Variants in AKAP6 observed in about 807,000 individuals in gnomAD.
AKAP6 encodes the protein A-kinase anchor protein 6.
AKAP6 carries 58 observed loss-of-function variants against 188.5 expected under a neutral mutation model. That is an observed-to-expected ratio of 0.31 (90% CI 0.25 to 0.38). The LOEUF (loss-of-function observed/expected upper bound fraction) is 0.38. Ranked by LOEUF, AKAP6 falls within the 10% of genes least tolerant of loss-of-function variation. The pLI is 1.00. For missense variants in AKAP6, 2,710 were observed against 2,740.0 expected, an observed-to-expected ratio of 0.99 and a Z score of 0.24; for synonymous variants, 989 against 998.6, an observed-to-expected ratio of 0.99 and a Z score of 0.18.
chr14:32,805,984 T>C (rs551157532), intron 12 of AKAP6, among the ~76,000 whole-genome samples: 1 of 152,244 alleles, frequency 6.6e-6, no homozygotes, highest in African/African-American at 2.4e-5. Context: ...ATTCTTCCTA[T>C]AGCCTTAGTA....
At chr14:32,790,561 T>C (rs2033576977) in intron 12 of AKAP6, among the ~76,000 whole-genome samples, 1 of 152,198 alleles carries the variant, frequency 6.6e-6, no homozygotes, top group Non-Finnish European at 1.5e-5. Context: ...GATTGGGGGC[T>C]AATGTTCAAC....
chr14:32,684,679 T>A (rs1889829988), intron 8 of AKAP6, among the ~76,000 whole-genome samples: 1 of 152,002 alleles, frequency 6.6e-6, no homozygotes, highest in South Asian at 2.1e-4. Context: ...TTGGGACATT[T>A]AACCTCACCA....
At chr14:32,741,729 A>G (rs1487360840) in intron 11 of AKAP6, among the ~76,000 whole-genome samples, 1 of 151,318 alleles carries the variant, frequency 6.6e-6, no homozygotes, top group Non-Finnish European at 1.5e-5. Flanking sequence ...GTCGTGATGA[A>G]TAATCTTTTT....
At chr14:32,526,331 C>T (rs1358101340) in intron 2 of AKAP6, among the ~76,000 whole-genome samples, 1 of 152,180 alleles carries the variant, frequency 6.6e-6, no homozygotes, top group East Asian at 1.9e-4. Context: ...CTCCCGGGGT[C>T]AAGTGATCCT....
intron 2 of AKAP6, among the ~76,000 whole-genome samples, chr14:32,491,671 C>G (rs1322618426): frequency 2.0e-5 from 3 of 152,180 alleles, no homozygotes; most frequent in African/African-American, 4.8e-5. Context: ...GAAATTGAAC[C>G]AGAATATTTC....
chr14:32,418,165 C>A (rs1414456810), intron 1 of AKAP6, among the ~76,000 whole-genome samples: 4 of 152,094 alleles, frequency 2.6e-5, no homozygotes, highest in African/African-American at 9.7e-5. Flanking sequence ...TTTCTAGAGG[C>A]TATTGAAAAG....
intron 2 of AKAP6, among the ~76,000 whole-genome samples, chr14:32,435,957 T>C (rs1890364834): frequency 6.6e-6 from 1 of 152,260 alleles, no homozygotes; most frequent in East Asian, 1.9e-4. Flanking sequence ...TTTTCAAAAA[T>C]ATTTTAAATA....
chr14:32,791,036 G>T (rs2033592867), intron 12 of AKAP6, among the ~76,000 whole-genome samples: 1 of 152,100 alleles, frequency 6.6e-6, no homozygotes, highest in Non-Finnish European at 1.5e-5. Flanking sequence ...CATTTGGATT[G>T]GTTCCAAGTC....
chr14:32,464,980 C>G (rs540373787), intron 2 of AKAP6, among the ~76,000 whole-genome samples: 1 of 152,196 alleles, frequency 6.6e-6, no homozygotes, highest in Admixed American at 6.5e-5. Context: ...GAGTGAACTC[C>G]CATTCACAAC....
chr14:32,459,579 CATACATAT>C (rs1245220158), intron 2 of AKAP6, among the ~76,000 whole-genome samples: 1 of 145,248 alleles, frequency 6.9e-6, no homozygotes, highest in Non-Finnish European at 1.5e-5. Flanking sequence ...ATTGGAAAGG[CATACATAT>C]AAGAAAAAAA....
At chr14:32,399,223 G>C (rs540457282) in intron 1 of AKAP6, among the ~76,000 whole-genome samples, 2 of 152,092 alleles carry the variant, frequency 1.3e-5, no homozygotes, top group East Asian at 1.9e-4. Flanking sequence ...GGGAGTCAGA[G>C]CAAAAACTAC....
At position 32,830,213 on chromosome 14, in the gene AKAP6, C is replaced by A. The variant is rs1032709380; in HGVS notation, c.*408C>A. 4 of 429,008 alleles carry A rather than the reference C, an allele frequency of 9.3e-6. No individual in the cohort carries two copies. The highest frequency in any genetic ancestry group is 5.7e-4 in the Middle Eastern group (1 of 1,746). 26.6% of individuals were successfully genotyped at this position (429,008 alleles called of 1,614,324 possible). ...ATTCTCCTGTCTAGAATGACCCCCC[C>A]ACCAGTACTTGACCAATTTCATGTA... On this transcript the variant is annotated 3_prime_UTR_variant, in exon 14 of 14. Coordinates refer to ENST00000280979, the MANE Select transcript of AKAP6 (RefSeq NM_004274.5).
chr14:32,517,930 T>G (rs911258535), intron 2 of AKAP6, among the ~76,000 whole-genome samples: 1 of 152,186 alleles, frequency 6.6e-6, no homozygotes, highest in Non-Finnish European at 1.5e-5. Context: ...GTAGCCTAAC[T>G]GGGAGACACG....
intron 2 of AKAP6, among the ~76,000 whole-genome samples, chr14:32,490,858 G>A (rs1879976857): frequency 6.6e-6 from 1 of 152,090 alleles, no homozygotes; most frequent in South Asian, 2.1e-4. Flanking sequence ...GTCTACATAG[G>A]CTAGTCTGCT....
rs928295346 is a variant in AKAP6, at chr14:32,837,166, C to CA, written c.*7362dup. 3.9e-5 allele frequency: 6 copies of CA among 152,122 alleles called. No homozygotes were observed. Among genetic ancestry groups the CA allele is most frequent in the African/African-American group, 1.4e-4 (6 of 41,412 alleles). 9.4% of individuals were successfully genotyped at this position (152,122 alleles called of 1,614,324 possible). On this transcript the variant is annotated 3_prime_UTR_variant, in exon 14 of 14. Coordinates refer to ENST00000280979, the MANE Select transcript of AKAP6 (RefSeq NM_004274.5). ...TATGGGGACGTTTGACTAGGATCAC[C>CA]AGATGTAGATTTGGTAATTTTTCCA...
At chr14:32,409,724 TA>T (rs1437931304) in intron 1 of AKAP6, among the ~76,000 whole-genome samples, 1 of 152,190 alleles carries the variant, frequency 6.6e-6, no homozygotes, top group African/African-American at 2.4e-5. Context: ...AAACTGACAA[TA>T]AAACTTGTAA....
At chr14:32,676,760 T>G (rs1420868128) in intron 7 of AKAP6, among the ~76,000 whole-genome samples, 1 of 152,196 alleles carries the variant, frequency 6.6e-6, no homozygotes, top group Admixed American at 6.5e-5. Context: ...ACCAGAGCAT[T>G]CATAATTAAG....
At chr14:32,714,903 T>C (rs531452587) in intron 9 of AKAP6, among the ~76,000 whole-genome samples, 1 of 151,982 alleles carries the variant, frequency 6.6e-6, no homozygotes, top group African/African-American at 2.4e-5. Flanking sequence ...TAGCTGTCTA[T>C]GAGGAAAGGA....
At chr14:32,335,491 C>A (rs146865653) in intron 1 of AKAP6, among the ~76,000 whole-genome samples, 1 of 152,050 alleles carries the variant, frequency 6.6e-6, no homozygotes, top group African/African-American at 2.4e-5. Flanking sequence ...AACTAAGGGA[C>A]CATTGTCAAA....
Sources: allele counts gnomAD v4.1 joint callset (sites outside exome capture counted in the v4.1 genomes callset), GRCh38; gene constraint gnomAD v4.1.1; transcripts MANE v1.5; gene names NCBI Gene and HGNC (gene_info 2026-07-23, HGNC 2026-07-21).